Variants in RBFOX3 observed in about 807,000 individuals in gnomAD.
The protein encoded by RBFOX3 is RNA binding protein fox-1 homolog 3.
A neutral mutation model predicts 48.7 loss-of-function variants in RBFOX3; 17 were observed. That is an observed-to-expected ratio of 0.35 (90% CI 0.24 to 0.52). The LOEUF (loss-of-function observed/expected upper bound fraction) is 0.52. Among genes scored for constraint, RBFOX3 ranks in the 20% least tolerant of loss-of-function variants. RBFOX3 has a pLI of 0.94. For missense variants in RBFOX3, 382 were observed against 497.5 expected (o/e 0.77, Z 2.21); for synonymous variants, 212 against 209.5 (o/e 1.01, Z -0.10).
intron 4 of RBFOX3, among the ~76,000 whole-genome samples, chr17:79,149,058 A>G (rs2043699667): frequency 6.6e-6 from 1 of 152,218 alleles, no homozygotes; most frequent in South Asian, 2.1e-4. Flanking sequence ...AGCTCCCACC[A>G]CTGACGAACA....
At chr17:79,297,302 A>G (rs2074548458) in intron 3 of RBFOX3, among the ~76,000 whole-genome samples, 1 of 152,160 alleles carries the variant, frequency 6.6e-6, no homozygotes, top group African/African-American at 2.4e-5. Flanking sequence ...AGGCAGGCTT[A>G]TCTATGGCCA....
intron 3 of RBFOX3, among the ~76,000 whole-genome samples, chr17:79,263,975 G>C (rs1041640562): frequency 4.6e-5 from 7 of 152,076 alleles, no homozygotes; most frequent in African/African-American, 9.7e-5. Flanking sequence ...AAGGAAGAAG[G>C]GCTCGTGGAA....
chr17:79,453,196 G>C (rs112193900), intron 2 of RBFOX3, among the ~76,000 whole-genome samples: 5 of 152,374 alleles, frequency 3.3e-5, no homozygotes, highest in African/African-American at 1.2e-4. Flanking sequence ...CGGAGCTGAA[G>C]AGTGCGTGTT....
intron 4 of RBFOX3, among the ~76,000 whole-genome samples, chr17:79,170,450 G>T (rs893445346): frequency 6.6e-6 from 1 of 152,164 alleles, no homozygotes; most frequent in African/African-American, 2.4e-5. Context: ...TTCTCCATCA[G>T]GGAGCCACGG....
chr17:79,447,200 C>T (rs372914556), intron 2 of RBFOX3, among the ~76,000 whole-genome samples: 25 of 152,362 alleles, frequency 1.6e-4, no homozygotes, highest in African/African-American at 5.3e-4. Context: ...TTTCGGCATG[C>T]CTCCATTTTT....
Position 79,509,508 on chromosome 17 carries a change from G to T in RBFOX3, c.-319-26910C>A, listed in dbSNP as rs957631094. Among the ~76,000 whole-genome samples, 71 of 149,930 alleles carry T rather than the reference G, an allele frequency of 4.7e-4. No homozygotes were observed. The East Asian group carries it at 9.9e-3, about 21-fold the overall frequency. ...CGATGCTCAGGCCGACGGAGTCTGA[G>T]TCCAGGGCAGGCAGGCACTTGTATC... On this transcript the variant is annotated intron_variant, in intron 1 of 14. Coordinates refer to ENST00000693108, the MANE Select transcript of RBFOX3 (RefSeq NM_001350451.2).
chr17:79,186,571 G>A (rs1043984642), intron 4 of RBFOX3, among the ~76,000 whole-genome samples: 1 of 152,330 alleles, frequency 6.6e-6, no homozygotes, highest in South Asian at 2.1e-4. Flanking sequence ...CCTGAGCAGG[G>A]GGTGGGGGAA....
chr17:79,209,996 C>CA (rs11452185), intron 4 of RBFOX3, among the ~76,000 whole-genome samples: 112,247 of 132,764 alleles, frequency 0.85, 47,952 homozygotes, highest in East Asian at 0.97. Flanking sequence ...GACTCCATCT[C>CA]AAAAAAAAAA....
chr17:79,350,377 A>G (rs1479917081), intron 2 of RBFOX3, among the ~76,000 whole-genome samples: 1 of 152,240 alleles, frequency 6.6e-6, no homozygotes, highest in Non-Finnish European at 1.5e-5. Context: ...AAACTCCCAG[A>G]TGGGTCTCCC....
chr17:79,627,708 G>A, the RBFOX3 span, among the ~76,000 whole-genome samples: 1 of 152,164 alleles, frequency 6.6e-6, no homozygotes, highest in Non-Finnish European at 1.5e-5. Flanking sequence ...GGAGAGGTGA[G>A]CTGCTTATTG....
chr17:79,596,417 G>A (rs1285746021), intron 1 of RBFOX3, among the ~76,000 whole-genome samples: 2 of 152,116 alleles, frequency 1.3e-5, no homozygotes, highest in Admixed American at 1.3e-4. Context: ...AGTGTGCCCA[G>A]CACCAGCCAG....
chr17:79,376,867 C>T (rs371800628), intron 2 of RBFOX3, among the ~76,000 whole-genome samples: 3 of 152,246 alleles, frequency 2.0e-5, no homozygotes, highest in Non-Finnish European at 2.9e-5. Flanking sequence ...TTTTCACCTC[C>T]CTGGAACCCC....
chr17:79,424,749 C>T (rs1380389278), intron 2 of RBFOX3, among the ~76,000 whole-genome samples: 1 of 152,214 alleles, frequency 6.6e-6, no homozygotes, highest in Non-Finnish European at 1.5e-5. Context: ...CCAGCTGCCA[C>T]CTCATGTCCT....
chr17:79,399,418 C>T (rs925589053), intron 2 of RBFOX3, among the ~76,000 whole-genome samples: 2 of 152,182 alleles, frequency 1.3e-5, no homozygotes, highest in Admixed American at 6.5e-5. Flanking sequence ...GACAGCATTG[C>T]ACCAGCTTTC....
chr17:79,216,790 G>A (rs552995439), intron 4 of RBFOX3, among the ~76,000 whole-genome samples: 1 of 152,304 alleles, frequency 6.6e-6, no homozygotes, highest in East Asian at 1.9e-4. Flanking sequence ...AGCCACCTGA[G>A]GCTCAGAGAG....
At chr17:79,457,842 C>T (rs564285320) in intron 2 of RBFOX3, among the ~76,000 whole-genome samples, 1 of 152,320 alleles carries the variant, frequency 6.6e-6, no homozygotes, top group East Asian at 1.9e-4. Context: ...AGAGCAGAGG[C>T]GACTTGAAGA....
chr17:79,091,373 A>G (rs3809713), intron 14 of RBFOX3, among the ~76,000 whole-genome samples: 40,474 of 152,182 alleles, frequency 0.27, 5,674 homozygotes, highest in African/African-American at 0.34. Flanking sequence ...TCATGGAGGT[A>G]CAGATCTGTG....
chr17:79,232,094 G>C (rs1205346865), intron 4 of RBFOX3, among the ~76,000 whole-genome samples: 3 of 152,082 alleles, frequency 2.0e-5, no homozygotes, highest in African/African-American at 7.2e-5. Flanking sequence ...CCATTATCAC[G>C]AGAACAGCAT....
chr17:79,521,210 A>G (rs2086020270), intron 1 of RBFOX3, among the ~76,000 whole-genome samples: 1 of 150,522 alleles, frequency 6.6e-6, no homozygotes, highest in South Asian at 2.1e-4. Context: ...ATACACACTC[A>G]CGCTCAGACA....
Sources: gnomAD v4.1 joint callset for allele counts (sites outside exome capture counted in the v4.1 genomes callset) on GRCh38, gnomAD v4.1.1 for gene constraint, MANE v1.5 for transcripts, NCBI Gene and HGNC (gene_info 2026-07-23, HGNC 2026-07-21) for gene names.